The following SPOCK3 variants were observed in gnomAD, a reference collection of about 807,000 sequenced individuals.
The protein encoded by SPOCK3 is testican-3.
SPOCK3 carries 30 observed loss-of-function variants against 56.6 expected under a neutral mutation model. That is an observed-to-expected ratio of 0.53 (90% CI 0.40 to 0.72). The LOEUF (loss-of-function observed/expected upper bound fraction) is 0.72, where lower values mean the gene tolerates loss of function less well. Ranked by LOEUF, SPOCK3 falls within the 30% of genes least tolerant of loss-of-function variation. The pLI is 0.00. For missense variants in SPOCK3, 527 were observed against 530.0 expected (o/e 0.99, Z 0.06); for synonymous variants, 196 against 183.3 (o/e 1.07, Z -0.56).
At chr4:166,981,978 G>A (rs1746628393) in intron 4 of SPOCK3, among the ~76,000 whole-genome samples, 1 of 152,230 alleles carries the variant, frequency 6.6e-6, no homozygotes, top group Non-Finnish European at 1.5e-5. Context: ...GGCAGGAAGT[G>A]GGAGCAGGCA....
chr4:167,113,011 C>T (rs1761032007), intron 2 of SPOCK3, among the ~76,000 whole-genome samples: 1 of 152,068 alleles, frequency 6.6e-6, no homozygotes, highest in African/African-American at 2.4e-5. Context: ...AGGTGATTTG[C>T]CTGCTTGATC....
chr4:167,130,208 C>G (rs1168788018), intron 2 of SPOCK3, among the ~76,000 whole-genome samples: 1 of 152,084 alleles, frequency 6.6e-6, no homozygotes, highest in East Asian at 1.9e-4. Flanking sequence ...TCAAGCAATC[C>G]TCCTGCCTCA....
chr4:167,056,473 C>T (rs373935681), intron 3 of SPOCK3, among the ~76,000 whole-genome samples: 13 of 151,948 alleles, frequency 8.6e-5, no homozygotes, highest in East Asian at 1.9e-4. Flanking sequence ...AGGCTTCAGA[C>T]GATCAAACTA....
At chr4:166,807,664 G>A (rs1296122100) in intron 6 of SPOCK3, among the ~76,000 whole-genome samples, 3 of 152,086 alleles carry the variant, frequency 2.0e-5, no homozygotes, top group Non-Finnish European at 4.4e-5. Flanking sequence ...TTTTGCCAAT[G>A]CTGAAGTTTG....
chr4:166,742,088 A>G, intron 8 of SPOCK3, 29 bp from the exon 9 acceptor site: 2 of 1,533,710 alleles, frequency 1.3e-6, no homozygotes, highest in African/African-American at 1.4e-5. Flanking sequence ...TGTTACTTCA[A>G]GGATTCTAGT....
chr4:166,987,574 AAT>A (rs1222173402), intron 4 of SPOCK3, among the ~76,000 whole-genome samples: 1 of 152,228 alleles, frequency 6.6e-6, no homozygotes, highest in Non-Finnish European at 1.5e-5. Context: ...ATAGATGATC[AAT>A]ATGTGTGTTC....
intron 3 of SPOCK3, among the ~76,000 whole-genome samples, chr4:167,011,737 T>C (rs1330067914): frequency 6.6e-6 from 1 of 152,036 alleles, no homozygotes; most frequent in Non-Finnish European, 1.5e-5. Flanking sequence ...AACAAATAAA[T>C]ACATAAAAGA....
intron 2 of SPOCK3, among the ~76,000 whole-genome samples, chr4:167,199,099 T>C (rs137893959): frequency 6.6e-6 from 1 of 152,214 alleles, no homozygotes; most frequent in East Asian, 1.9e-4. Flanking sequence ...TTCAAGTTAC[T>C]TGAAAGCAGC....
intron 7 of SPOCK3, among the ~76,000 whole-genome samples, chr4:166,768,011 A>C (rs372379904): frequency 0.26 from 36,484 of 139,492 alleles, 5,295 homozygotes; most frequent in African/African-American, 0.43. Flanking sequence ...AGGATTGCAA[A>C]CCCTGCTTTT....
chr4:166,981,980 G>A (rs568738307), intron 4 of SPOCK3, among the ~76,000 whole-genome samples: 1 of 152,336 alleles, frequency 6.6e-6, no homozygotes, highest in Non-Finnish European at 1.5e-5. Flanking sequence ...CAGGAAGTGG[G>A]AGCAGGCACT....
chr4:166,904,867 A>G (rs983880656), intron 5 of SPOCK3, among the ~76,000 whole-genome samples: 2 of 152,050 alleles, frequency 1.3e-5, no homozygotes, highest in African/African-American at 4.8e-5. Context: ...CAAAGTGATG[A>G]ATAATTAATG....
At chr4:166,739,710 T>A (rs1356820381) in intron 9 of SPOCK3, among the ~76,000 whole-genome samples, 1 of 151,262 alleles carries the variant, frequency 6.6e-6, no homozygotes, top group Non-Finnish European at 1.5e-5. Context: ...CTGACTTTTT[T>A]TTTTTCTGTG....
chr4:166,944,142 C>T (rs75962135), intron 4 of SPOCK3, among the ~76,000 whole-genome samples: 8,581 of 151,794 alleles, frequency 0.057, 338 homozygotes, highest in Non-Finnish European at 0.087. Context: ...GCAAGACTGT[C>T]TCAAAAAAAA....
At chr4:166,830,531 G>A (rs1745924289) in intron 6 of SPOCK3, among the ~76,000 whole-genome samples, 1 of 152,092 alleles carries the variant, frequency 6.6e-6, no homozygotes, top group Non-Finnish European at 1.5e-5. Context: ...GATCTCTTGA[G>A]GCCAGGAGTT....
At chr4:167,114,004 G>GA (rs147296677) in intron 2 of SPOCK3, among the ~76,000 whole-genome samples, 3,270 of 152,134 alleles carry the variant, frequency 0.021, 142 homozygotes, top group African/African-American at 0.074. Flanking sequence ...ACAGCCAGCT[G>GA]AAAATCACCA....
chr4:166,745,085 C>T (rs1477489557), intron 8 of SPOCK3, among the ~76,000 whole-genome samples: 4 of 152,144 alleles, frequency 2.6e-5, no homozygotes, highest in Non-Finnish European at 4.4e-5. Flanking sequence ...ACCAGGAGAA[C>T]TTCCCCAACC....
At chr4:166,847,663 A>ATATATATATCTATATATATATATATC (rs1748228662) in intron 6 of SPOCK3, among the ~76,000 whole-genome samples, 1 of 98,342 alleles carries the variant, frequency 1.0e-5, no homozygotes, top group East Asian at 4.2e-4. Context: ...ATATATATAT[A>ATATATATATCTATATATATATATATC]TATATATATA....
Position 167,151,701 on chromosome 4 carries a change from C to T in SPOCK3, c.189+82284G>A, listed in dbSNP as rs891604528. ...CCGCCCGTCTCGGCCTCCCATAGTG[C>T]TGGGATTACAGGCGTGAGCCACCAC... On this transcript the variant is annotated intron_variant, in intron 2 of 10. Coordinates refer to ENST00000357545, the MANE Select transcript of SPOCK3 (RefSeq NM_001040159.2). Among the ~76,000 whole-genome samples, 9 of 152,222 alleles carry T rather than the reference C, an allele frequency of 5.9e-5. No homozygotes were observed. The East Asian group carries it at 1.7e-3, about 30-fold the overall frequency.
intron 2 of SPOCK3, among the ~76,000 whole-genome samples, chr4:167,139,749 A>C (rs1291967359): frequency 6.6e-6 from 1 of 151,996 alleles, no homozygotes; most frequent in Non-Finnish European, 1.5e-5. Context: ...ATTTCCATTC[A>C]AGGTAAAAAG....
Sources: gnomAD v4.1 joint callset for allele counts (sites outside exome capture counted in the v4.1 genomes callset) on GRCh38, gnomAD v4.1.1 for gene constraint, MANE v1.5 for transcripts, NCBI Gene and HGNC (gene_info 2026-07-23, HGNC 2026-07-21) for gene names.